The following TMEM132D variants were observed in gnomAD, a reference collection of about 807,000 sequenced individuals.
TMEM132D encodes mature OL transmembrane protein.
Under a neutral mutation model 62.3 loss-of-function variants are expected in TMEM132D, and 21 were observed. That is an observed-to-expected ratio of 0.34 (90% CI 0.24 to 0.49). The LOEUF (loss-of-function observed/expected upper bound fraction) is 0.49. Ranked by LOEUF, TMEM132D falls within the 20% of genes least tolerant of loss-of-function variation. TMEM132D has a pLI of 0.99. For missense variants in TMEM132D, 1,346 were observed against 1,402.8 expected (o/e 0.96, Z 0.65); for synonymous variants, 621 against 575.6 (o/e 1.08, Z -1.13).
At chr12:129,589,353 C>T (rs928786158) in intron 2 of TMEM132D, among the ~76,000 whole-genome samples, 7 of 152,072 alleles carry the variant, frequency 4.6e-5, no homozygotes, top group Admixed American at 1.3e-4. Flanking sequence ...TCCCCAGTCA[C>T]GTGGAACTGT....
chr12:129,623,653 A>G (rs926543750), intron 2 of TMEM132D, among the ~76,000 whole-genome samples: 4 of 147,870 alleles, frequency 2.7e-5, no homozygotes, highest in African/African-American at 5.0e-5. Context: ...GTATGTGTGT[A>G]TATATATATA....
At chr12:129,453,239 T>G (rs540068758) in intron 3 of TMEM132D, among the ~76,000 whole-genome samples, 27 of 152,294 alleles carry the variant, frequency 1.8e-4, no homozygotes, top group African/African-American at 6.5e-4. Flanking sequence ...GCCAAAAAGA[T>G]TGGGGACCGC....
At position 129,619,235 on chromosome 12, in the gene TMEM132D, T is replaced by C. The variant is rs369995640; in HGVS notation, c.968+80575A>G. On this transcript the variant is annotated intron_variant, in intron 2 of 8. Transcript: ENST00000422113. ...AAATGCCCTTGGCCAAGAGGAGAGG[T>C]CCATTCAGATGGTCGAGGGGCCTTC... Among the ~76,000 whole-genome samples the C allele has an allele frequency of 7.2e-5, 11 of 152,230 alleles. No homozygotes were observed. In the South Asian group the frequency reaches 2.3e-3, roughly 32 times the overall value.
At chr12:129,731,520 A>C (rs1186666161) in intron 1 of TMEM132D, among the ~76,000 whole-genome samples, 1 of 152,148 alleles carries the variant, frequency 6.6e-6, no homozygotes. Flanking sequence ...ATATCCAGGG[A>C]GGACACTGAA....
In TMEM132D at chr12:129,511,110, T is replaced by C. The variant is rs548224729; in HGVS notation, c.1115+19949A>G. Among the ~76,000 whole-genome samples the C allele has an allele frequency of 8.4e-4, 128 of 152,334 alleles. 4 individuals carry two copies. The South Asian group carries it at 0.026, about 31-fold the overall frequency. ...GAACTTTGATAAATGTATATAGTCA[T>C]GTAAATACATCATAATAGTGATATA... is the stretch of plus-strand genomic sequence containing the variant. On this transcript the variant is annotated intron_variant, in intron 3 of 8. Coordinates refer to ENST00000422113, the MANE Select transcript of TMEM132D (RefSeq NM_133448.3).
At chr12:129,200,678 C>T (rs1440088723) in intron 5 of TMEM132D, among the ~76,000 whole-genome samples, 1 of 152,178 alleles carries the variant, frequency 6.6e-6, no homozygotes, top group South Asian at 2.1e-4. Context: ...GGTTGTCGGG[C>T]GCCCAGCTGG....
intron 2 of TMEM132D, among the ~76,000 whole-genome samples, chr12:129,636,061 A>G (rs1413873868): frequency 3.9e-5 from 6 of 152,354 alleles, no homozygotes; most frequent in African/African-American, 1.4e-4. Context: ...CTGGGTTAAA[A>G]TAAGTATTTG....
intron 1 of TMEM132D, among the ~76,000 whole-genome samples, chr12:129,794,943 A>G (rs1173443245): frequency 6.6e-6 from 1 of 152,208 alleles, no homozygotes; most frequent in Non-Finnish European, 1.5e-5. Context: ...AAAGTGTGCC[A>G]CACGAGTAGG....
At chr12:129,896,511 T>G (rs1875139508) in intron 1 of TMEM132D, among the ~76,000 whole-genome samples, 1 of 152,218 alleles carries the variant, frequency 6.6e-6, no homozygotes. Flanking sequence ...CATCTACCAG[T>G]ATAGCTTTCC....
rs55638594 is a variant in TMEM132D, at chr12:129,765,568, C to CA, written c.80-64871dup. ...GCAACAAGAGTGAAATTGCATCTCC[C>CA]AAAAAAAAAAAAAAGACCCAGAAAA... On this transcript the variant is annotated intron_variant, in intron 1 of 8. Transcript: ENST00000422113. 6.2e-5 allele frequency among the ~76,000 whole-genome samples: 9 copies of CA among 145,272 alleles called. No homozygotes were observed. The East Asian group carries it at 8.2e-4, about 13-fold the overall frequency.
At chr12:129,635,454 G>A (rs1364460315) in intron 2 of TMEM132D, among the ~76,000 whole-genome samples, 1 of 152,218 alleles carries the variant, frequency 6.6e-6, no homozygotes, top group Non-Finnish European at 1.5e-5. Flanking sequence ...GGGAGGGAAA[G>A]CACCCCTGTG....
At position 129,437,207 on chromosome 12, in the gene TMEM132D, T is replaced by C. The variant is rs567551930; in HGVS notation, c.1115+93852A>G. Reference sequence around the variant, plus strand: ...TTGCCCAGGAAGTTGAGGAGGGAGATGCCCTCTTTCTGCCAGTTGGGAACG... The same window carrying C: ...TTGCCCAGGAAGTTGAGGAGGGAGACGCCCTCTTTCTGCCAGTTGGGAACG... On this transcript the variant is annotated intron_variant, in intron 3 of 8. Transcript: ENST00000422113. 3.3e-5 allele frequency among the ~76,000 whole-genome samples: 5 copies of C among 152,204 alleles called. No homozygotes were observed. In the South Asian group the frequency reaches 1.0e-3, roughly 32 times the overall value.
At chr12:129,685,820 T>C (rs1004424555) in intron 2 of TMEM132D, among the ~76,000 whole-genome samples, 2 of 152,172 alleles carry the variant, frequency 1.3e-5, no homozygotes, top group African/African-American at 4.8e-5. Flanking sequence ...GGAGCCCACC[T>C]CTTGCATCAG....
intron 1 of TMEM132D, among the ~76,000 whole-genome samples, chr12:129,850,001 T>A (rs1230266422): frequency 6.6e-6 from 1 of 152,212 alleles, no homozygotes; most frequent in Non-Finnish European, 1.5e-5. Context: ...CTCACGCATA[T>A]AGCAATAGTC....
intron 5 of TMEM132D, among the ~76,000 whole-genome samples, chr12:129,092,656 A>G (rs1483077453): frequency 1.3e-5 from 2 of 152,148 alleles, no homozygotes; most frequent in African/African-American, 4.8e-5. Context: ...GACTCGCGCC[A>G]TTTTACTCCA....
At chr12:129,172,871 C>G (rs1877777003) in intron 5 of TMEM132D, among the ~76,000 whole-genome samples, 1 of 152,128 alleles carries the variant, frequency 6.6e-6, no homozygotes, top group Non-Finnish European at 1.5e-5. Context: ...GCCACTGCAC[C>G]CGGCCTGGCC....
chr12:129,335,875 G>A (rs1268486461), intron 4 of TMEM132D, among the ~76,000 whole-genome samples: 1 of 152,182 alleles, frequency 6.6e-6, no homozygotes, highest in Non-Finnish European at 1.5e-5. Flanking sequence ...TTCTTGTAAA[G>A]TTCTTTTGAA....
At chr12:129,503,928 C>T (rs1418468201) in intron 3 of TMEM132D, among the ~76,000 whole-genome samples, 2 of 152,050 alleles carry the variant, frequency 1.3e-5, no homozygotes, top group African/African-American at 4.8e-5. Flanking sequence ...TCATCATCAT[C>T]ATTACTGTCA....
chr12:129,377,748 A>G (rs1161041940), intron 3 of TMEM132D, among the ~76,000 whole-genome samples: 1 of 152,188 alleles, frequency 6.6e-6, no homozygotes, highest in Non-Finnish European at 1.5e-5. Flanking sequence ...TTACAAAGAA[A>G]TACGTGGTCC....
Sources: gnomAD v4.1 joint callset for allele counts (sites outside exome capture counted in the v4.1 genomes callset) on GRCh38, gnomAD v4.1.1 for gene constraint, MANE v1.5 for transcripts, NCBI Gene and HGNC (gene_info 2026-07-23, HGNC 2026-07-21) for gene names.